Variants in MAST3 observed in about 807,000 individuals in gnomAD.
MAST3 encodes microtubule-associated serine/threonine-protein kinase 3.
A neutral mutation model predicts 127.0 loss-of-function variants in MAST3; 43 were observed. The ratio of observed to expected loss-of-function variants is 0.34; its 90% CI spans 0.27 to 0.44. MAST3 has a LOEUF of 0.44. Among genes scored for constraint, MAST3 ranks in the 20% least tolerant of loss-of-function variants. MAST3 has a pLI of 1.00. For missense variants in MAST3, 1,390 were observed against 1,919.1 expected, an observed-to-expected ratio of 0.72 and a Z score of 5.15; for synonymous variants, 785 against 809.2, an observed-to-expected ratio of 0.97 and a Z score of 0.51.
chr19:18,122,589 A>G (rs910841473), intron 5 of MAST3, 84 bp from the exon 6 acceptor site: 22 of 1,174,510 alleles, frequency 1.9e-5, no homozygotes, highest in Non-Finnish European at 2.6e-5. Flanking sequence ...GGGCCAGAAT[A>G]TGCTGGCCAC....
chr19:18,107,503 T>A (rs2038168178), intron 1 of MAST3, 84 bp from the exon 2 acceptor site: 2 of 1,317,934 alleles, frequency 1.5e-6, no homozygotes. Context: ...GGCATGGGAT[T>A]GGGGATTGTG....
chr19:18,135,109 C>A (rs535354223), intron 17 of MAST3, 127 bp downstream of exon 17: 1 of 1,120,484 alleles, frequency 8.9e-7, no homozygotes, highest in Admixed American at 2.5e-5. Context: ...GGTGGGGAGG[C>A]GGTGGGGTGC....
chr19:18,102,481 CTT>C lies in MAST3; in HGVS notation c.39+4667_39+4668del, dbSNP rs147386221. ...GGCATGAGCCACTGCGCCCGGCCAC[CTT>C]TTTTTTTTTTTTTTTTGAGACGGAG... On this transcript the variant is annotated intron_variant, in intron 1 of 27. Coordinates refer to ENST00000687212, the MANE Select transcript of MAST3 (RefSeq NM_001393504.1). Among the ~76,000 whole-genome samples the C allele has an allele frequency of 2.6e-3, 341 of 131,688 alleles. 2 individuals are homozygous for C. Among genetic ancestry groups the C allele is most frequent in the Middle Eastern group, 0.012 (3 of 244 alleles). The allele number at this position is 131,688 out of a possible 152,430, so 86.4% of individuals were successfully genotyped here.
chr19:18,142,754 A>G (rs2042638226), intron 21 of MAST3, among the ~76,000 whole-genome samples: 1 of 151,004 alleles, frequency 6.6e-6, no homozygotes, highest in South Asian at 2.1e-4. Context: ...CCTGGGCTCA[A>G]GAGATCCTCT....
chr19:18,131,482 C>G (rs150688309), intron 14 of MAST3, among the ~76,000 whole-genome samples: 3,261 of 140,188 alleles, frequency 0.023, 577 homozygotes, highest in Admixed American at 0.089. Context: ...TGGTGGATCA[C>G]GAGGTCAAGA....
chr19:18,124,427 C>T (rs950874444), intron 10 of MAST3, 61 bp downstream of exon 10: 2 of 1,469,658 alleles, frequency 1.4e-6, no homozygotes, highest in Non-Finnish European at 9.3e-7. Flanking sequence ...GGGACCACAA[C>T]AGTCCTGCCA....
At chr19:18,133,163 A>G (rs937693715) in intron 15 of MAST3, among the ~76,000 whole-genome samples, 1 of 152,012 alleles carries the variant, frequency 6.6e-6, no homozygotes, top group Non-Finnish European at 1.5e-5. Context: ...GGCTTAGAAA[A>G]CAGACATGTA....
intron 13 of MAST3, 35 bp from the exon 14 acceptor site, chr19:18,130,459 C>T (rs1346502239): frequency 1.3e-6 from 2 of 1,553,106 alleles, no homozygotes; most frequent in African/African-American, 2.7e-5. Flanking sequence ...GGGCCTCGAT[C>T]TCCGGTCCCA....
intron 1 of MAST3, among the ~76,000 whole-genome samples, chr19:18,100,928 G>GT (rs900324659): frequency 6.6e-6 from 1 of 152,182 alleles, no homozygotes; most frequent in Non-Finnish European, 1.5e-5. Flanking sequence ...CTCTCCGGTG[G>GT]TGACAATGTG....
intron 15 of MAST3, among the ~76,000 whole-genome samples, chr19:18,133,585 C>T (rs2041565770): frequency 8.2e-6 from 1 of 122,270 alleles, no homozygotes; most frequent in Admixed American, 1.0e-4. Flanking sequence ...GACGGGGTCT[C>T]ACTCTGTCGC....
At chr19:18,122,565 T>A (rs2040126977) in intron 5 of MAST3, 108 bp from the exon 6 acceptor site, 1 of 896,920 alleles carries the variant, frequency 1.1e-6, no homozygotes, top group African/African-American at 1.7e-5. Context: ...TTTCAGGAGA[T>A]CCTTCCTACA....
chr19:18,143,630 A>G (rs2042741537), intron 21 of MAST3, 133 bp from the exon 22 acceptor site: 5 of 1,132,888 alleles, frequency 4.4e-6, no homozygotes, highest in Non-Finnish European at 6.2e-6. Context: ...CAGTGCAGAC[A>G]GAAGGAACTC....
chr19:18,121,905 T>C lies in MAST3; in HGVS notation c.303T>C (p.Asn101=), dbSNP rs1346340894. The change falls in exon 5 of 28, where the codon AAT becomes AAC. Residue 101 remains asparagine, a synonymous_variant. Coordinates refer to ENST00000687212, the MANE Select transcript of MAST3 (RefSeq NM_001393504.1). ...ATTTCTCGGCTGCCTCTGCCCTAAA[T>C]TTCCCCTTTGCCCGGAGGTGAGTGA... ...PRNFSAASAL[N]FPFARRADGR... The C allele has an allele frequency of 6.2e-7, 1 of 1,614,028 alleles. No homozygotes were observed. The highest frequency in any genetic ancestry group is 8.5e-7 in the Non-Finnish European group (1 of 1,179,894).
chr19:18,106,175 A>G (rs1048107691), intron 1 of MAST3, among the ~76,000 whole-genome samples: 3 of 151,780 alleles, frequency 2.0e-5, no homozygotes, highest in African/African-American at 7.3e-5. Flanking sequence ...GCAACCTCCA[A>G]CTCCTGGGGT....
Position 18,149,881 on chromosome 19 carries a change from T to C in MAST3, c.*155T>C, listed in dbSNP as rs893917959. On this transcript the variant is annotated 3_prime_UTR_variant, in exon 28 of 28. Coordinates refer to ENST00000687212, the MANE Select transcript of MAST3 (RefSeq NM_001393504.1). The surrounding 1 kb of genome is among the most constrained non-coding windows in gnomAD (Gnocchi z 5.9). ...CCTTGCTGGAAGGTGGAGACATCGC[T>C]TGTGTTCTGGTGTCAATCGGGGCTG... The C allele has an allele frequency of 9.5e-6, 10 of 1,050,372 alleles. No individual in the cohort carries two copies. In the South Asian group the frequency reaches 1.7e-4, roughly 18 times the overall value. The allele number at this position is 1,050,372 out of a possible 1,614,324, so 65.1% of individuals were successfully genotyped here.
chr19:18,098,609 C>A, intron 1 of MAST3: 1 of 423,848 alleles, frequency 2.4e-6, no homozygotes, highest in South Asian at 1.7e-5. Context: ...CGGGCAGCCA[C>A]CCTTTGACTT....
chr19:18,133,243 T>C (rs954044557), intron 15 of MAST3, among the ~76,000 whole-genome samples: 2 of 152,310 alleles, frequency 1.3e-5, no homozygotes, highest in Middle Eastern at 3.4e-3. Context: ...AATAACTCCT[T>C]ACACACTAAC....
intron 3 of MAST3, among the ~76,000 whole-genome samples, chr19:18,116,597 A>G (rs2039289062): frequency 7.0e-6 from 1 of 143,106 alleles, no homozygotes; most frequent in African/African-American, 2.5e-5. Context: ...GCCCAGCCGA[A>G]ATTATCTTGC....
rs2043526952 is a variant in MAST3 at position 18,151,553 on chromosome 19, A to G, written c.*1827A>G. The G allele has an allele frequency of 6.6e-6, 1 of 152,278 alleles. No individual in the cohort carries two copies. Among genetic ancestry groups the G allele is most frequent in the South Asian group, 2.1e-4 (1 of 4,838 alleles). The allele number at this position is 152,278 out of a possible 1,614,324, so 9.4% of individuals were successfully genotyped here. A position where few individuals can be genotyped will look rare whatever the true frequency, so the allele number is the denominator to read the frequency against. Reference sequence around the variant, plus strand: ...TGGTGAGGGAGCTTTCCAGACATCAACAGCCCACTCTGCTTCCCTTTCTGA... The same window carrying G: ...TGGTGAGGGAGCTTTCCAGACATCAGCAGCCCACTCTGCTTCCCTTTCTGA... On this transcript the variant is annotated 3_prime_UTR_variant, in exon 28 of 28. Transcript: ENST00000687212.
Sources: gnomAD v4.1 joint callset for allele counts (sites outside exome capture counted in the v4.1 genomes callset) on GRCh38, gnomAD v4.1.1 for gene constraint, Gnocchi (gnomAD v3.1) non-coding constraint, MANE v1.5 for transcripts, NCBI Gene and HGNC (gene_info 2026-07-23, HGNC 2026-07-21) for gene names.